The following ARHGAP29 variants were observed in gnomAD, a reference collection of about 807,000 sequenced individuals.
The protein encoded by ARHGAP29 is Rho GTPase activating protein 29, also known as rho GTPase-activating protein 29.
ARHGAP29 carries 43 observed loss-of-function variants against 122.6 expected under a neutral mutation model. That is an observed-to-expected ratio of 0.35 (90% confidence interval 0.27 to 0.45). ARHGAP29 has a LOEUF of 0.45. ARHGAP29 is among the 20% of genes least tolerant of loss of function. The pLI is 1.00. For missense variants in ARHGAP29, 1,303 were observed against 1,477.2 expected (o/e 0.88, Z 1.93); for synonymous variants, 506 against 497.1 (o/e 1.02, Z -0.24).
rs1648955073 is a variant in ARHGAP29 at position 94,174,411 on chromosome 1, C to T, written c.3244G>A (p.Asp1082Asn). Residue 1082 changes from aspartate (D) to asparagine (N), a missense_variant, in exon 23 of 23, where the codon GAC becomes AAC. By Grantham distance (23) the Asp-to-Asn change is conservative (BLOSUM62 1). Coordinates refer to ENST00000260526, the MANE Select transcript of ARHGAP29 (RefSeq NM_004815.4). ...FDQQTLQKIQDKQYEQNSLTA... is the reference protein window; with the variant it reads ...FDQQTLQKIQNKQYEQNSLTA... Reference sequence around the variant, plus strand: ...AGGCTGTTTTGTTCATACTGTTTGTCCTGAATTTTCTGTAGAGTTTGCTGG... The same window carrying T: ...AGGCTGTTTTGTTCATACTGTTTGTTCTGAATTTTCTGTAGAGTTTGCTGG... 6.2e-7 allele frequency: 1 copy of T among 1,614,106 alleles called. No homozygotes were observed. Among genetic ancestry groups the T allele is most frequent in the Non-Finnish European group, 8.5e-7 (1 of 1,180,030 alleles).
chr1:94,291,904 C>A, the ARHGAP29 span, among the ~76,000 whole-genome samples: 1 of 152,146 alleles, frequency 6.6e-6, no homozygotes, highest in Admixed American at 6.6e-5. Context: ...TCATTTCAAC[C>A]TTGGTGAATC....
Position 94,186,612 on chromosome 1 carries a change from TG to T in ARHGAP29, c.1682-16del. ...ATGAAAGTCTCCTAGAAGAAAATTG[TG>T]GATACAATTACCTGACCATTCATTG... On this transcript the variant is annotated splice_polypyrimidine_tract_variant and intron_variant, in intron 15 of 22. Transcript: ENST00000260526. 1 of 1,570,370 alleles carries T rather than the reference TG, an allele frequency of 6.4e-7. No individual in the cohort carries two copies. The highest frequency in any genetic ancestry group is 8.8e-7 in the Non-Finnish European group (1 of 1,140,864).
chr1:94,227,006 T>C (rs551677651), intron 2 of ARHGAP29, among the ~76,000 whole-genome samples: 1 of 152,080 alleles, frequency 6.6e-6, no homozygotes, highest in East Asian at 1.9e-4. Context: ...CACATCCTCC[T>C]GTACATTCTC....
At chr1:94,196,689 C>A (rs1009195404) in intron 12 of ARHGAP29, among the ~76,000 whole-genome samples, 4 of 152,018 alleles carry the variant, frequency 2.6e-5, no homozygotes, top group Non-Finnish European at 5.9e-5. Context: ...CAGTATTTCT[C>A]CCACCATAAT....
intron 1 of ARHGAP29, among the ~76,000 whole-genome samples, chr1:94,236,834 TGA>T (rs1349655473): frequency 6.6e-6 from 1 of 152,028 alleles, no homozygotes; most frequent in Non-Finnish European, 1.5e-5. Flanking sequence ...ATCTCAGGAA[TGA>T]GAGCCCAACT....
intron 1 of ARHGAP29, among the ~76,000 whole-genome samples, chr1:94,243,841 G>A (rs999390705): frequency 1.3e-5 from 2 of 151,354 alleles, no homozygotes; most frequent in Admixed American, 6.6e-5. Context: ...TGGAAGAAAC[G>A]ACATCAGTAC....
At chr1:94,227,132 A>C (rs1438427111) in intron 2 of ARHGAP29, among the ~76,000 whole-genome samples, 12 of 151,776 alleles carry the variant, frequency 7.9e-5, no homozygotes, top group Non-Finnish European at 1.5e-4. Context: ...CTTTTCATTT[A>C]ATGAAAAGTT....
intron 1 of ARHGAP29, among the ~76,000 whole-genome samples, chr1:94,268,083 T>C (rs1212426250): frequency 6.6e-6 from 1 of 152,206 alleles, no homozygotes; most frequent in Non-Finnish European, 1.5e-5. Context: ...TAAATTTCAT[T>C]ATAGTTCTGT....
intron 12 of ARHGAP29, chr1:94,194,456 T>C (rs1218204948): frequency 6.6e-6 from 1 of 152,158 alleles, no homozygotes; most frequent in Non-Finnish European, 1.5e-5. Flanking sequence ...ACAACAAAAA[T>C]ACCACAGAGT....
At chr1:94,223,030 G>A (rs752575512) in intron 2 of ARHGAP29, among the ~76,000 whole-genome samples, 16 of 151,048 alleles carry the variant, frequency 1.1e-4, no homozygotes, top group Admixed American at 5.3e-4. Flanking sequence ...TGCAAGCTCC[G>A]CCTCCTGGGT....
intron 3 of ARHGAP29, among the ~76,000 whole-genome samples, chr1:94,216,468 A>T (rs1329183409): frequency 6.6e-6 from 1 of 152,178 alleles, no homozygotes; most frequent in Non-Finnish European, 1.5e-5. Flanking sequence ...CACACAAGAG[A>T]CCAATAAAGG....
At chr1:94,258,698 C>T (rs17396000) in intron 1 of ARHGAP29, among the ~76,000 whole-genome samples, 5,883 of 152,268 alleles carry the variant, frequency 0.039, 144 homozygotes, top group South Asian at 0.12. Context: ...ACTAGCGCTT[C>T]CTATGTAGTA....
At chr1:94,296,710 G>C in the ARHGAP29 span, among the ~76,000 whole-genome samples, 1 of 152,164 alleles carries the variant, frequency 6.6e-6, no homozygotes, top group Non-Finnish European at 1.5e-5. Context: ...CCAACACAGA[G>C]CTGGGTAGAG....
the ARHGAP29 span, among the ~76,000 whole-genome samples, chr1:94,307,149 AC>A: frequency 6.6e-6 from 1 of 152,128 alleles, no homozygotes; most frequent in Non-Finnish European, 1.5e-5. Flanking sequence ...GTCTTGCCAA[AC>A]CCGATCCCAG....
intron 19 of ARHGAP29, among the ~76,000 whole-genome samples, chr1:94,181,794 T>A (rs995291536): frequency 6.6e-6 from 1 of 152,224 alleles, no homozygotes; most frequent in Non-Finnish European, 1.5e-5. Flanking sequence ...GCTATTAATA[T>A]GGTGGCCACA....
chr1:94,214,030 T>A (rs1341036282), intron 3 of ARHGAP29, among the ~76,000 whole-genome samples: 1 of 152,192 alleles, frequency 6.6e-6, no homozygotes, highest in Non-Finnish European at 1.5e-5. Flanking sequence ...TCAGTTTCCA[T>A]ATCTGCAAAA....
chr1:94,188,801 A>G, intron 15 of ARHGAP29, 36 bp downstream of exon 15: 2 of 1,533,244 alleles, frequency 1.3e-6, no homozygotes, highest in Non-Finnish European at 9.0e-7. Flanking sequence ...TGATCTTTCA[A>G]TGAGTTTTCA....
chr1:94,289,307 T>C, the ARHGAP29 span, among the ~76,000 whole-genome samples: 7 of 152,210 alleles, frequency 4.6e-5, no homozygotes, highest in African/African-American at 7.2e-5. Context: ...TCTTGGTGTA[T>C]AGGAATGCTT....
intron 3 of ARHGAP29, among the ~76,000 whole-genome samples, chr1:94,219,966 C>A (rs74102125): frequency 1.7e-3 from 264 of 152,268 alleles, no homozygotes; most frequent in African/African-American, 4.6e-3. Context: ...CCAATCACCT[C>A]GAAAGAGCGT....
Sources: gnomAD v4.1 joint callset for allele counts (sites outside exome capture counted in the v4.1 genomes callset) on GRCh38, gnomAD v4.1.1 for gene constraint, MANE v1.5 for transcripts, NCBI Gene and HGNC (gene_info 2026-07-23, HGNC 2026-07-21) for gene names.